Variants in KCNMA1 observed in about 807,000 individuals in gnomAD.
The protein encoded by KCNMA1 is potassium calcium-activated channel subfamily M alpha 1, also known as Calcium-activated potassium channel subunit alpha-1.
Under a neutral mutation model 140.0 loss-of-function variants are expected in KCNMA1, and 29 were observed. The ratio of observed to expected loss-of-function variants is 0.21; its 90% CI spans 0.15 to 0.28. The LOEUF is 0.28. Among genes scored for constraint, KCNMA1 ranks in the 10% least tolerant of loss-of-function variants. The pLI is 1.00. For synonymous variants in KCNMA1, 612 were observed against 611.9 expected (o/e 1.00, Z 0.00); for missense variants, 880 against 1,602.2 (o/e 0.55, Z 7.70).
intron 16 of KCNMA1, chr10:77,019,654 G>A (rs1749888062): frequency 6.5e-6 from 1 of 153,076 alleles, no homozygotes; most frequent in Non-Finnish European, 1.5e-5. Flanking sequence ...ATAAGGACAT[G>A]GAAATTGATT....
chr10:76,999,094 C>G (rs574144417), intron 19 of KCNMA1, among the ~76,000 whole-genome samples: 1 of 152,360 alleles, frequency 6.6e-6, no homozygotes, highest in African/African-American at 2.4e-5. Context: ...AAGGGAGGGA[C>G]AACATGCCAC....
chr10:77,091,963 A>T (rs1350838189), intron 9 of KCNMA1: 1 of 152,252 alleles, frequency 6.6e-6, no homozygotes, highest in Non-Finnish European at 1.5e-5. Flanking sequence ...GCAGTTAATA[A>T]TATCACCATT....
At chr10:77,445,168 A>G (rs906366773) in intron 1 of KCNMA1, among the ~76,000 whole-genome samples, 2 of 152,110 alleles carry the variant, frequency 1.3e-5, no homozygotes, top group African/African-American at 4.8e-5. Flanking sequence ...AAGCCACAGG[A>G]AAAAAATGGG....
chr10:77,089,721 C>A (rs895108223), intron 10 of KCNMA1, among the ~76,000 whole-genome samples: 1 of 152,158 alleles, frequency 6.6e-6, no homozygotes, highest in African/African-American at 2.4e-5. Flanking sequence ...CTCATCACAG[C>A]CCAACTAGGT....
intron 1 of KCNMA1, among the ~76,000 whole-genome samples, chr10:77,593,058 G>A (rs1362343164): frequency 6.6e-6 from 1 of 152,202 alleles, no homozygotes; most frequent in Non-Finnish European, 1.5e-5. Context: ...CAGCATGTGA[G>A]CTTCTCCTCT....
At chr10:77,435,323 C>T (rs1252908938) in intron 1 of KCNMA1, among the ~76,000 whole-genome samples, 1 of 152,140 alleles carries the variant, frequency 6.6e-6, no homozygotes, top group African/African-American at 2.4e-5. Flanking sequence ...AGATAACCTT[C>T]AAAATAAACA....
chr10:77,452,054 A>G (rs1285901871), intron 1 of KCNMA1, among the ~76,000 whole-genome samples: 1 of 152,228 alleles, frequency 6.6e-6, no homozygotes, highest in African/African-American at 2.4e-5. Flanking sequence ...TGCTTTAGAC[A>G]TGAGATAGCA....
chr10:77,377,379 G>C (rs1044868420), intron 2 of KCNMA1, among the ~76,000 whole-genome samples: 2 of 152,192 alleles, frequency 1.3e-5, no homozygotes, highest in Admixed American at 6.5e-5. Context: ...AGAGAGATGG[G>C]CCAAAGAGAA....
Position 77,184,887 on chromosome 10 carries a change from T to C in KCNMA1, c.632A>G (p.Lys211Arg), listed in dbSNP as rs771113362. 8.1e-6 allele frequency: 13 copies of C among 1,612,356 alleles called. No individual in the cohort carries two copies. The highest frequency in any genetic ancestry group is 2.2e-5 in the East Asian group (1 of 44,830). Residue 211 changes from lysine to arginine, a missense_variant, in exon 4 of 28, where the codon AAA (lysine) becomes AGA (arginine). Lys to Arg is a conservative substitution (Grantham distance 26). Transcript: ENST00000286628. ...CATGTCGATCTGTAATGTGAAATCT[T>C]TGTAGAAATTCTGGCAGGATTCTAT... ...NPIESCQNFY[K>R]DFTLQIDMAF... is the part of the protein sequence containing the mutation.
At chr10:77,429,359 A>T (rs2097098666) in intron 1 of KCNMA1, among the ~76,000 whole-genome samples, 1 of 152,288 alleles carries the variant, frequency 6.6e-6, no homozygotes, top group Admixed American at 6.5e-5. Flanking sequence ...GTTTGGCAGC[A>T]TCCCTGGCAT....
chr10:76,915,501 G>A (rs1185142498), intron 23 of KCNMA1, among the ~76,000 whole-genome samples: 1 of 152,152 alleles, frequency 6.6e-6, no homozygotes, highest in African/African-American at 2.4e-5. Context: ...GAGAATACAG[G>A]TTACTATGGA....
At position 77,279,698 on chromosome 10, in the gene KCNMA1, A is replaced by G. The variant is rs535979501; in HGVS notation, c.541-28442T>C. Among the ~76,000 whole-genome samples, 13 of 152,280 alleles carry G rather than the reference A, an allele frequency of 8.5e-5. No individual in the cohort carries two copies. In the South Asian group the frequency reaches 2.3e-3, roughly 27 times the overall value. ...CTCATCTTGAATTGCAGCTCCCACAATTCCCACATGTCATGGGAGGAACCC... is the reference window on the plus strand; with the variant it reads ...CTCATCTTGAATTGCAGCTCCCACAGTTCCCACATGTCATGGGAGGAACCC... On this transcript the variant is annotated intron_variant, in intron 2 of 27. Coordinates refer to ENST00000286628, the MANE Select transcript of KCNMA1 (RefSeq NM_001161352.2).
intron 5 of KCNMA1, among the ~76,000 whole-genome samples, chr10:77,142,513 G>T (rs1033310621): frequency 6.6e-6 from 1 of 152,096 alleles, no homozygotes; most frequent in African/African-American, 2.4e-5. Context: ...ACATACATAC[G>T]CAAAAGGGCT....
At chr10:76,997,981 T>C (rs1237151214) in intron 19 of KCNMA1, among the ~76,000 whole-genome samples, 1 of 152,226 alleles carries the variant, frequency 6.6e-6, no homozygotes, top group African/African-American at 2.4e-5. Context: ...GCCTTACTTT[T>C]CTGACACCTT....
intron 6 of KCNMA1, 136 bp downstream of exon 6, chr10:77,120,837 C>T: frequency 4.5e-6 from 3 of 671,166 alleles, no homozygotes; most frequent in Non-Finnish European, 8.0e-6. Flanking sequence ...TTTTCTCTCC[C>T]TCTCTGTGTT....
At chr10:76,959,956 A>T (rs1472371736) in intron 20 of KCNMA1, among the ~76,000 whole-genome samples, 1 of 152,236 alleles carries the variant, frequency 6.6e-6, no homozygotes, top group Non-Finnish European at 1.5e-5. Context: ...CAGTGAGAGG[A>T]GAGGCAAAGC....
chr10:77,055,215 A>T (rs925877963), intron 14 of KCNMA1, among the ~76,000 whole-genome samples: 3 of 152,172 alleles, frequency 2.0e-5, no homozygotes, highest in African/African-American at 2.4e-5. Context: ...CTATTTGAAG[A>T]CATTGAGAAT....
chr10:76,972,448 T>C (rs1005896623), intron 19 of KCNMA1, among the ~76,000 whole-genome samples: 6 of 152,196 alleles, frequency 3.9e-5, no homozygotes, highest in Non-Finnish European at 8.8e-5. Flanking sequence ...CCTTTTTGCA[T>C]TGGGCCTATA....
At chr10:77,259,629 G>T (rs2061537243) in intron 2 of KCNMA1, among the ~76,000 whole-genome samples, 1 of 151,976 alleles carries the variant, frequency 6.6e-6, no homozygotes, top group African/African-American at 2.4e-5. Flanking sequence ...TTCTCCATTT[G>T]CCTCCTCCCA....
Sources: gnomAD v4.1 joint callset for allele counts (sites outside exome capture counted in the v4.1 genomes callset) on GRCh38, gnomAD v4.1.1 for gene constraint, MANE v1.5 for transcripts, NCBI Gene and HGNC (gene_info 2026-07-23, HGNC 2026-07-21) for gene names.